The following NDUFAF2 variants were observed in gnomAD, a reference collection of about 807,000 sequenced individuals.
NDUFAF2 encodes the protein NADH dehydrogenase [ubiquinone] 1 alpha subcomplex assembly factor 2.
A neutral mutation model predicts 22.8 loss-of-function variants in NDUFAF2; 13 were observed. That is an observed-to-expected ratio of 0.57 (90% CI 0.37 to 0.91). NDUFAF2 has a LOEUF of 0.91. NDUFAF2 is among the 40% of genes least tolerant of loss of function. The pLI, the probability that NDUFAF2 is intolerant of heterozygous loss-of-function variation, is 0.01. For missense variants in NDUFAF2, 162 were observed against 195.2 expected (o/e 0.83, Z 1.01); for synonymous variants, 53 against 64.2 (o/e 0.83, Z 0.84).
intron 1 of NDUFAF2, among the ~76,000 whole-genome samples, chr5:61,072,304 G>A (rs915958721): frequency 6.6e-6 from 1 of 152,206 alleles, no homozygotes; most frequent in Non-Finnish European, 1.5e-5. Context: ...AAGTGATTCA[G>A]ATGGGCCACA....
At chr5:60,991,700 G>C (rs1278523933) in intron 1 of NDUFAF2, among the ~76,000 whole-genome samples, 2 of 151,524 alleles carry the variant, frequency 1.3e-5, no homozygotes, top group Non-Finnish European at 3.0e-5. Flanking sequence ...TCATTCATCT[G>C]TTAATGTACA....
chr5:61,040,677 A>G (rs889954292), intron 1 of NDUFAF2, among the ~76,000 whole-genome samples: 1 of 152,202 alleles, frequency 6.6e-6, no homozygotes, highest in African/African-American at 2.4e-5. Flanking sequence ...ATTTATTAGC[A>G]TATAACTGTG....
At chr5:60,956,142 C>T (rs1450529215) in intron 1 of NDUFAF2, among the ~76,000 whole-genome samples, 1 of 152,058 alleles carries the variant, frequency 6.6e-6, no homozygotes, top group African/African-American at 2.4e-5. Flanking sequence ...CTCAAGTGAT[C>T]CACCTGCCTC....
At chr5:61,011,791 A>G (rs1751445707) in intron 1 of NDUFAF2, among the ~76,000 whole-genome samples, 1 of 152,116 alleles carries the variant, frequency 6.6e-6, no homozygotes, top group South Asian at 2.1e-4. Context: ...TGTCTTACTC[A>G]TCAGTATATC....
chr5:61,064,573 G>A (rs568763255), intron 1 of NDUFAF2, among the ~76,000 whole-genome samples: 12 of 151,898 alleles, frequency 7.9e-5, no homozygotes, highest in Non-Finnish European at 1.6e-4. Context: ...ATCAGTAGCA[G>A]GAGGAACCTT....
At chr5:61,143,001 C>T (rs754483818) in intron 3 of NDUFAF2, among the ~76,000 whole-genome samples, 1 of 152,086 alleles carries the variant, frequency 6.6e-6, no homozygotes, top group Non-Finnish European at 1.5e-5. Flanking sequence ...CAATAAAATT[C>T]GAGCTGAGAC....
At chr5:61,008,148 G>A (rs947815017) in intron 1 of NDUFAF2, among the ~76,000 whole-genome samples, 1 of 116,458 alleles carries the variant, frequency 8.6e-6, no homozygotes, top group Non-Finnish European at 1.6e-5. Context: ...TCTGGGGACT[G>A]TTGTGGGGTG....
chr5:61,106,282 G>A (rs1352114947), intron 3 of NDUFAF2, among the ~76,000 whole-genome samples: 1 of 151,420 alleles, frequency 6.6e-6, no homozygotes, highest in Admixed American at 6.6e-5. Flanking sequence ...AAATCTGACA[G>A]ATACCACCTT....
intron 1 of NDUFAF2, among the ~76,000 whole-genome samples, chr5:61,044,371 G>T (rs1398000524): frequency 6.6e-6 from 1 of 151,946 alleles, no homozygotes; most frequent in Non-Finnish European, 1.5e-5. Flanking sequence ...AATTCCACTT[G>T]TCTATTTTTG....
intron 1 of NDUFAF2, among the ~76,000 whole-genome samples, chr5:61,013,342 T>C (rs1339471979): frequency 5.3e-5 from 8 of 152,122 alleles, no homozygotes; most frequent in Non-Finnish European, 1.5e-5. Context: ...GATTTTAATT[T>C]TGTTTAATGT....
At chr5:61,005,469 G>A (rs1196345055) in intron 1 of NDUFAF2, among the ~76,000 whole-genome samples, 2 of 152,134 alleles carry the variant, frequency 1.3e-5, no homozygotes, top group Non-Finnish European at 2.9e-5. Context: ...GGGATGGCTG[G>A]GTCAAATGGT....
chr5:60,975,233 G>A (rs142517025), intron 1 of NDUFAF2, among the ~76,000 whole-genome samples: 30 of 151,912 alleles, frequency 2.0e-4, no homozygotes, highest in Middle Eastern at 3.4e-3. Context: ...ATTGTGTTAC[G>A]ACACTCCAAT....
intron 1 of NDUFAF2, among the ~76,000 whole-genome samples, chr5:61,034,055 C>G (rs775519363): frequency 2.6e-5 from 4 of 151,936 alleles, no homozygotes; most frequent in Non-Finnish European, 5.9e-5. Flanking sequence ...TTATTACAGC[C>G]AAGGAAGGCA....
At chr5:61,114,739 T>C (rs1391615422) in intron 3 of NDUFAF2, 6 of 152,152 alleles carry the variant, frequency 3.9e-5, no homozygotes, top group Non-Finnish European at 8.8e-5. Flanking sequence ...AGTCACTGCA[T>C]CTGTATCTGC....
intron 1 of NDUFAF2, among the ~76,000 whole-genome samples, chr5:60,975,474 A>G (rs1461115618): frequency 1.3e-5 from 2 of 152,156 alleles, no homozygotes; most frequent in African/African-American, 2.4e-5. Flanking sequence ...AGAGATTCAG[A>G]AGGTCAGTTG....
In NDUFAF2 at chr5:61,035,004, G is replaced by A. The variant is rs957090645; in HGVS notation, c.128-38121G>A. 7.3e-5 allele frequency among the ~76,000 whole-genome samples: 11 copies of A among 151,102 alleles called. 1 individual carries two copies. The highest frequency in any genetic ancestry group is 4.2e-4 in the South Asian group (2 of 4,768). The stretch of plus-strand genomic sequence containing the variant: ...CTAAATATGAATATTAAATATCCAC[G>A]TGGAGCTAAAACATTGGGAGCATAA... On this transcript the variant is annotated intron_variant, in intron 1 of 3. Coordinates refer to ENST00000296597, the MANE Select transcript of NDUFAF2 (RefSeq NM_174889.5).
chr5:61,095,347 A>G (rs980405870), intron 2 of NDUFAF2, among the ~76,000 whole-genome samples: 2 of 152,186 alleles, frequency 1.3e-5, no homozygotes, highest in Non-Finnish European at 2.9e-5. Context: ...GAGTTATCCA[A>G]ACAGCAAAGA....
chr5:61,117,395 G>T (rs2111793654), intron 3 of NDUFAF2, among the ~76,000 whole-genome samples: 1 of 152,234 alleles, frequency 6.6e-6, no homozygotes, highest in Non-Finnish European at 1.5e-5. Flanking sequence ...TTGCTCTGTT[G>T]CCCAAGCTGG....
chr5:61,081,997 T>G (rs1752449886), intron 2 of NDUFAF2, among the ~76,000 whole-genome samples: 1 of 152,246 alleles, frequency 6.6e-6, no homozygotes, highest in Non-Finnish European at 1.5e-5. Context: ...TACAAATGTT[T>G]TTAGCATGTC....
Sources: gnomAD v4.1 joint callset for allele counts (sites outside exome capture counted in the v4.1 genomes callset) on GRCh38, gnomAD v4.1.1 for gene constraint, MANE v1.5 for transcripts, NCBI Gene and HGNC (gene_info 2026-07-23, HGNC 2026-07-21) for gene names.